PLAG1: variants seen among roughly 807,000 people sequenced by gnomAD.
PLAG1 encodes the protein PLAG1 zinc finger.
In PLAG1, 7 loss-of-function variants were observed where a neutral mutation model predicts 35.5. The ratio of observed to expected loss-of-function variants is 0.20; its 90% CI spans 0.11 to 0.37. The LOEUF (loss-of-function observed/expected upper bound fraction) is 0.37, where lower values mean the gene tolerates loss of function less well. PLAG1 is among the 10% of genes least tolerant of loss of function. The probability of loss-of-function intolerance (pLI) is 1.00; values close to 1 mark genes in which losing one functional copy is unlikely to be tolerated. For missense variants in PLAG1, 454 were observed against 602.8 expected (o/e 0.75, Z 2.58); for synonymous variants, 229 against 225.4 (o/e 1.02, Z -0.14).
At chr8:56,191,934 A>G (rs758209260) in intron 1 of PLAG1, among the ~76,000 whole-genome samples, 2 of 152,228 alleles carry the variant, frequency 1.3e-5, no homozygotes, top group Non-Finnish European at 2.9e-5. Flanking sequence ...CTCAGTGTCA[A>G]TCTTTTAGGC....
intron 1 of PLAG1, among the ~76,000 whole-genome samples, chr8:56,184,365 C>G (rs1227186601): frequency 6.6e-6 from 1 of 152,146 alleles, no homozygotes; most frequent in African/African-American, 2.4e-5. Context: ...AAATAGAATT[C>G]CTATCTACCA....
chr8:56,210,022 T>C lies in PLAG1; in HGVS notation c.-322+1099A>G, dbSNP rs976200898. On this transcript the variant is annotated intron_variant, in intron 1 of 4. Coordinates refer to ENST00000316981, the MANE Select transcript of PLAG1 (RefSeq NM_002655.3). ...TTATCTTATCTGAGATCAGTCCACATTACCAATAAGTTTAGCAGTTTCTGC... is the reference window on the plus strand; with the variant it reads ...TTATCTTATCTGAGATCAGTCCACACTACCAATAAGTTTAGCAGTTTCTGC... Among the ~76,000 whole-genome samples the C allele has an allele frequency of 5.9e-5, 9 of 152,192 alleles. No individual in the cohort carries two copies. In the East Asian group the frequency reaches 1.7e-3, roughly 29 times the overall value.
Position 56,206,054 on chromosome 8 carries a change from T to C in PLAG1, c.-322+5067A>G, listed in dbSNP as rs1421863841. Among the ~76,000 whole-genome samples the C allele has an allele frequency of 2.6e-5, 4 of 151,986 alleles. No homozygotes were observed. The East Asian group carries it at 7.7e-4, about 29-fold the overall frequency. ...AGATATTTCTGTTTTATAAAATTTTTAAATGTTCTGATAAGCATTTTTTTT... is the reference window on the plus strand; with the variant it reads ...AGATATTTCTGTTTTATAAAATTTTCAAATGTTCTGATAAGCATTTTTTTT... On this transcript the variant is annotated intron_variant, in intron 1 of 4. Coordinates refer to ENST00000316981, the MANE Select transcript of PLAG1 (RefSeq NM_002655.3).
chr8:56,171,243 T>C (rs1377430819), intron 2 of PLAG1, 54 bp from the exon 3 acceptor site: 1 of 275,646 alleles, frequency 3.6e-6, no homozygotes, highest in East Asian at 1.7e-4. Flanking sequence ...GGTATGTAAA[T>C]GATGGAAAAT....
chr8:56,191,461 C>T (rs543791216), intron 1 of PLAG1, among the ~76,000 whole-genome samples: 12 of 152,216 alleles, frequency 7.9e-5, no homozygotes, highest in South Asian at 2.1e-4. Context: ...GACAATGATG[C>T]GACTTTACAA....
intron 1 of PLAG1, among the ~76,000 whole-genome samples, chr8:56,191,102 C>T (rs1021116690): frequency 3.3e-5 from 5 of 152,164 alleles, no homozygotes; most frequent in Admixed American, 3.3e-4. Context: ...TGGACTCATG[C>T]CATCACTGCA....
intron 1 of PLAG1, among the ~76,000 whole-genome samples, chr8:56,189,950 A>G (rs1008706997): frequency 2.6e-5 from 4 of 152,200 alleles, no homozygotes; most frequent in Non-Finnish European, 5.9e-5. Context: ...GAAGGCTGAG[A>G]GCCACTGCTT....
Position 56,211,172 on chromosome 8 carries a change from C to A in PLAG1, c.-373G>T. On this transcript the variant is annotated 5_prime_UTR_variant, in exon 1 of 5. Transcript: ENST00000316981. ...GCCCGTCCGCCGCCTCTACACCGCC[C>A]GCGGAATTTCTAATAATTTTTTTCT... The A allele has an allele frequency of 6.5e-6, 1 of 153,496 alleles. No individual in the cohort carries two copies. The highest frequency in any genetic ancestry group is 1.8e-4 in the South Asian group (1 of 5,526). 9.5% of individuals were successfully genotyped at this position (153,496 alleles called of 1,614,324 possible).
At chr8:56,179,116 C>T (rs1357079500) in intron 2 of PLAG1, among the ~76,000 whole-genome samples, 1 of 143,184 alleles carries the variant, frequency 7.0e-6, no homozygotes, top group Non-Finnish European at 1.5e-5. Flanking sequence ...CTTAAGAGTA[C>T]ATCTGTGGGC....
chr8:56,181,555 C>T lies in PLAG1; in HGVS notation c.-321-2042G>A, dbSNP rs186149559. ...ACACAGGGAGGGGAACATCACACACCGGGGCCTGTCATTGGCAGGGGGTGG... is the reference window on the plus strand; with the variant it reads ...ACACAGGGAGGGGAACATCACACACTGGGGCCTGTCATTGGCAGGGGGTGG... On this transcript the variant is annotated intron_variant, in intron 1 of 4. Coordinates refer to ENST00000316981, the MANE Select transcript of PLAG1 (RefSeq NM_002655.3). Among the ~76,000 whole-genome samples the T allele has an allele frequency of 3.1e-3, 380 of 123,502 alleles. 1 individual carries two copies. Among genetic ancestry groups the T allele is most frequent in the African/African-American group, 0.011 (354 of 32,832 alleles). The allele number at this position is 123,502 out of a possible 152,430, so 81.0% of individuals were successfully genotyped here. A position where few individuals can be genotyped will look rare whatever the true frequency, so the allele number is the denominator to read the frequency against.
At chr8:56,201,416 T>G (rs1428417857) in intron 1 of PLAG1, among the ~76,000 whole-genome samples, 1 of 152,224 alleles carries the variant, frequency 6.6e-6, no homozygotes, top group Non-Finnish European at 1.5e-5. Flanking sequence ...AGTTTATACT[T>G]ATATCTTTAG....
chr8:56,166,435 C>A lies in PLAG1; in HGVS notation c.1311G>T (p.Val437=), dbSNP rs1410398463. The A allele has an allele frequency of 6.2e-7, 1 of 1,612,926 alleles. No homozygotes were observed. Among genetic ancestry groups the A allele is most frequent in the East Asian group, 2.2e-5 (1 of 44,874 alleles). ...LNGPPYNPLS[V]GSLGMSYSQE... is the part of the protein sequence containing the mutation. Reference sequence around the variant, plus strand: ...GGGAATAGCTCATTCCAAGGCTCCCCACTGATAGAGGATTATAGGGAGGAC... The same window carrying A: ...GGGAATAGCTCATTCCAAGGCTCCCAACTGATAGAGGATTATAGGGAGGAC... The change falls in exon 5 of 5, where the codon GTG becomes GTT. Residue 437 remains valine (V), a synonymous_variant. Coordinates refer to ENST00000316981, the MANE Select transcript of PLAG1 (RefSeq NM_002655.3).
At chr8:56,210,720 C>CCGCTCT (rs1419493836) in intron 1 of PLAG1, among the ~76,000 whole-genome samples, 4 of 152,016 alleles carry the variant, frequency 2.6e-5, no homozygotes, top group African/African-American at 9.7e-5. Flanking sequence ...CTAATGTCTT[C>CCGCTCT]CGCTCTCGCT....
rs1585774331 is a variant in PLAG1, at chr8:56,166,719, T to G, written c.1027A>C (p.Ile343Leu). ...KYPFSSTSYA[I>L]SIPEKEQPLK... ...GGCTGTTCTTTTTCAGGAATAGAAA[T>G]TGCATATGAGGTAGAACTGAACGGA... The change falls in exon 5 of 5, where the codon ATT becomes CTT. Residue 343 changes from isoleucine (I) to leucine (L), a missense_variant. Physicochemically the swap from Ile to Leu is conservative, Grantham distance 5. Coordinates refer to ENST00000316981, the MANE Select transcript of PLAG1 (RefSeq NM_002655.3). 2 of 1,613,994 alleles carry G rather than the reference T, an allele frequency of 1.2e-6. No homozygotes were observed. The highest frequency in any genetic ancestry group is 1.7e-6 in the Non-Finnish European group (2 of 1,179,954).
At chr8:56,181,894 T>A (rs1811875327) in intron 1 of PLAG1, among the ~76,000 whole-genome samples, 2 of 152,204 alleles carry the variant, frequency 1.3e-5, no homozygotes, top group South Asian at 4.1e-4. Context: ...ATTTGGTGAT[T>A]TTTGCCTTAA....
At chr8:56,198,568 A>C (rs1412518118) in intron 1 of PLAG1, among the ~76,000 whole-genome samples, 2 of 152,198 alleles carry the variant, frequency 1.3e-5, no homozygotes, top group Admixed American at 6.5e-5. Flanking sequence ...ACAGTCCAGC[A>C]AGATGGCTTT....
intron 1 of PLAG1, among the ~76,000 whole-genome samples, chr8:56,202,593 A>T (rs889419346): frequency 6.6e-6 from 1 of 152,220 alleles, no homozygotes; most frequent in East Asian, 1.9e-4. Flanking sequence ...AATGTGATCA[A>T]TTGCACTTCT....
At chr8:56,208,824 TTC>T (rs1812771676) in intron 1 of PLAG1, among the ~76,000 whole-genome samples, 1 of 152,218 alleles carries the variant, frequency 6.6e-6, no homozygotes. Context: ...AGTAAACACT[TTC>T]TGTTAAATAA....
intron 1 of PLAG1, among the ~76,000 whole-genome samples, chr8:56,196,186 A>T (rs1812360011): frequency 6.6e-6 from 1 of 152,038 alleles, no homozygotes; most frequent in Admixed American, 6.5e-5. Context: ...ATAACTTCAC[A>T]CCCGCAGGAA....
Sources: allele counts gnomAD v4.1 joint callset (sites outside exome capture counted in the v4.1 genomes callset), GRCh38; gene constraint gnomAD v4.1.1; transcripts MANE v1.5; gene names NCBI Gene and HGNC (gene_info 2026-07-23, HGNC 2026-07-21).